Variants in BICRAL observed in about 807,000 individuals in gnomAD.
The protein encoded by BICRAL is BRD4-interacting chromatin-remodeling complex-associated protein-like.
A neutral mutation model predicts 91.8 loss-of-function variants in BICRAL; 8 were observed. The observed-to-expected ratio is 0.09, with a 90% CI of 0.05 to 0.16. BICRAL has a LOEUF of 0.16. Ranked by LOEUF, BICRAL falls within the 10% of genes least tolerant of loss-of-function variation. BICRAL has a pLI of 1.00. For missense variants in BICRAL, 1,038 were observed against 1,310.9 expected (o/e 0.79, Z 3.21); for synonymous variants, 445 against 491.1 (o/e 0.91, Z 1.24).
chr6:42,822,239 C>G (rs774811696), intron 3 of BICRAL, among the ~76,000 whole-genome samples, 176 bp downstream of exon 3: 1 of 143,696 alleles, frequency 7.0e-6, no homozygotes, highest in African/African-American at 2.5e-5. Flanking sequence ...TTCAGTAATT[C>G]TTTTTTTTTT....
At chr6:42,751,319 A>G (rs1762377677) in intron 1 of BICRAL, among the ~76,000 whole-genome samples, 2 of 151,962 alleles carry the variant, frequency 1.3e-5, no homozygotes, top group African/African-American at 4.8e-5. Context: ...CTTTTTCTCT[A>G]AATTGTTTTG....
intron 1 of BICRAL, among the ~76,000 whole-genome samples, chr6:42,754,630 G>T (rs1257818953): frequency 6.6e-6 from 1 of 152,200 alleles, no homozygotes; most frequent in Non-Finnish European, 1.5e-5. Context: ...GGCAGTTCAT[G>T]CCTGTAATGC....
chr6:42,749,842 A>G (rs530264326), intron 1 of BICRAL, among the ~76,000 whole-genome samples: 67 of 150,958 alleles, frequency 4.4e-4, no homozygotes, highest in African/African-American at 1.5e-3. Context: ...ATATACCTCT[A>G]AAAGATTGGG....
intron 6 of BICRAL, among the ~76,000 whole-genome samples, chr6:42,832,012 T>G (rs1385652420): frequency 6.6e-6 from 1 of 151,884 alleles, no homozygotes; most frequent in African/African-American, 2.4e-5. Context: ...GTGTTGGGAT[T>G]GTAGGCATTC....
intron 6 of BICRAL, among the ~76,000 whole-genome samples, chr6:42,847,015 G>T (rs34370943): frequency 2.0e-5 from 3 of 152,102 alleles, no homozygotes; most frequent in East Asian, 1.9e-4. Flanking sequence ...TTTAATCTCC[G>T]CACTTAGAGG....
At chr6:42,808,615 A>G (rs1212191195) in intron 1 of BICRAL, among the ~76,000 whole-genome samples, 2 of 152,200 alleles carry the variant, frequency 1.3e-5, no homozygotes, top group African/African-American at 4.8e-5. Context: ...GTTAAGTGAA[A>G]TGATTTTCAA....
upstream of BICRAL, among the ~76,000 whole-genome samples, chr6:42,746,627 C>T (rs1045029785): frequency 6.6e-6 from 1 of 151,976 alleles, no homozygotes; most frequent in Admixed American, 6.6e-5. Flanking sequence ...GCTGGGGAGC[C>T]GCTTGCATGC....
At chr6:42,819,214 GAATT>G (rs1332967496) in intron 2 of BICRAL, among the ~76,000 whole-genome samples, 2 of 152,174 alleles carry the variant, frequency 1.3e-5, no homozygotes, top group Non-Finnish European at 2.9e-5. Flanking sequence ...AGAGAAAACA[GAATT>G]CTTCACTTTT....
chr6:42,789,765 T>C (rs1053338749), intron 1 of BICRAL, among the ~76,000 whole-genome samples: 2 of 152,212 alleles, frequency 1.3e-5, no homozygotes, highest in African/African-American at 4.8e-5. Context: ...AAAGTATCTC[T>C]TCTTATCATG....
chr6:42,779,221 AAAACACACACAC>A (rs913571146), upstream of BICRAL, among the ~76,000 whole-genome samples: 6 of 105,150 alleles, frequency 5.7e-5, no homozygotes, highest in African/African-American at 1.5e-4. Flanking sequence ...TGTCTCAAGA[AAAACACACACAC>A]ACACACACAC....
intron 1 of BICRAL, among the ~76,000 whole-genome samples, chr6:42,802,102 T>C (rs1763590484): frequency 6.6e-6 from 1 of 151,948 alleles, no homozygotes; most frequent in Non-Finnish European, 1.5e-5. Flanking sequence ...TGGTGAGCAA[T>C]CCCTTCTGTA....
chr6:42,747,719 C>T (rs1582793966), intron 1 of BICRAL, among the ~76,000 whole-genome samples: 1 of 151,970 alleles, frequency 6.6e-6, no homozygotes, highest in African/African-American at 2.4e-5. Context: ...ATGGTGCTTA[C>T]TCTTGTGCAT....
chr6:42,818,833 CTG>C (rs1432245710), intron 2 of BICRAL, among the ~76,000 whole-genome samples: 6 of 152,168 alleles, frequency 3.9e-5, no homozygotes, highest in Admixed American at 2.6e-4. Flanking sequence ...CATTTTTACA[CTG>C]TGTCCTCTTG....
intron 1 of BICRAL, among the ~76,000 whole-genome samples, chr6:42,757,368 C>G (rs1234281135): frequency 6.6e-6 from 1 of 152,028 alleles, no homozygotes; most frequent in Non-Finnish European, 1.5e-5. Context: ...TCTCCTGCCT[C>G]AGCCTCCTGA....
chr6:42,784,646 G>T (rs1433539561), intron 1 of BICRAL, among the ~76,000 whole-genome samples: 1 of 152,192 alleles, frequency 6.6e-6, no homozygotes, highest in Non-Finnish European at 1.5e-5. Context: ...GTAATTGTTC[G>T]AGGTCTTGCA....
chr6:42,793,296 A>T (rs1362154471), intron 1 of BICRAL, among the ~76,000 whole-genome samples: 28 of 22,972 alleles, frequency 1.2e-3, no homozygotes, highest in South Asian at 4.0e-3. Context: ...GACCCAGCTA[A>T]TTTTTTTTTT....
chr6:42,829,802 C>G lies in BICRAL; in HGVS notation c.1469C>G (p.Ala490Gly), dbSNP rs766658727. Reference protein sequence around the residue: ...ASGSPVIANHASPQLVGGQMP... With the variant: ...ASGSPVIANHGSPQLVGGQMP... ...GGAAGTCCAGTGATAGCCAATCATG[C>G]CTCTCCTCAGCTTGTGGGTGGACAG... Residue 490 changes from alanine (A) to glycine (G), a missense_variant, in exon 6 of 13, where the codon GCC (alanine) becomes GGC (glycine). Physicochemically the swap from Ala to Gly is moderately conservative, Grantham distance 60. Coordinates refer to ENST00000314073, the MANE Select transcript of BICRAL (RefSeq NM_001393499.1). 6.2e-7 allele frequency: 1 copy of G among 1,614,200 alleles called. No individual in the cohort carries two copies. Among genetic ancestry groups the G allele is most frequent in the Non-Finnish European group, 8.5e-7 (1 of 1,180,044 alleles).
chr6:42,831,551 G>A (rs950734912), intron 6 of BICRAL, among the ~76,000 whole-genome samples: 3 of 152,010 alleles, frequency 2.0e-5, no homozygotes, highest in Non-Finnish European at 4.4e-5. Context: ...CTGATCCTTC[G>A]ACGGCTCCAT....
intron 1 of BICRAL, among the ~76,000 whole-genome samples, chr6:42,767,032 T>A: frequency 7.3e-6 from 1 of 137,600 alleles, no homozygotes; most frequent in African/African-American, 2.7e-5. Flanking sequence ...AGAGTGAGAC[T>A]CCATCTCAAA....
Sources: gnomAD v4.1 joint callset for allele counts (sites outside exome capture counted in the v4.1 genomes callset) on GRCh38, gnomAD v4.1.1 for gene constraint, MANE v1.5 for transcripts, NCBI Gene and HGNC (gene_info 2026-07-23, HGNC 2026-07-21) for gene names.